The following PDE1A variants were observed in gnomAD, a reference collection of about 807,000 sequenced individuals.
PDE1A encodes phosphodiesterase 1A.
In PDE1A, 35 loss-of-function variants were observed where a neutral mutation model predicts 61.7. That is an observed-to-expected ratio of 0.57 (90% confidence interval 0.43 to 0.75). PDE1A has a LOEUF of 0.75. PDE1A is among the 30% of genes least tolerant of loss of function. The pLI, the probability that PDE1A is intolerant of heterozygous loss-of-function variation, is 0.00. For synonymous variants in PDE1A, 232 were observed against 213.2 expected, an observed-to-expected ratio of 1.09 and a Z score of -0.77; for missense variants, 597 against 630.6, an observed-to-expected ratio of 0.95 and a Z score of 0.57.
chr2:182,404,235 A>G (rs1702180333), intron 1 of PDE1A, among the ~76,000 whole-genome samples: 1 of 152,224 alleles, frequency 6.6e-6, no homozygotes, highest in African/African-American at 2.4e-5. Flanking sequence ...CAAGGAGCAG[A>G]GAAGAGCAAA....
At chr2:182,565,552 GT>G in the PDE1A span, among the ~76,000 whole-genome samples, 35 of 152,122 alleles carry the variant, frequency 2.3e-4, no homozygotes, top group Admixed American at 2.3e-3. Flanking sequence ...GACTGGTGAT[GT>G]GTACACGAAA....
At chr2:182,272,453 C>T (rs1023049100) in intron 1 of PDE1A, among the ~76,000 whole-genome samples, 10 of 152,180 alleles carry the variant, frequency 6.6e-5, no homozygotes, top group African/African-American at 2.2e-4. Context: ...GCCAAACTCT[C>T]AATCTAGTTT....
chr2:182,448,111 C>T (rs1410224845), intron 2 of PDE1A, among the ~76,000 whole-genome samples: 3 of 152,114 alleles, frequency 2.0e-5, no homozygotes, highest in African/African-American at 7.2e-5. Flanking sequence ...AGGATAGGCT[C>T]AGTGAAACTT....
chr2:182,602,340 C>G, the PDE1A span, among the ~76,000 whole-genome samples: 3 of 152,234 alleles, frequency 2.0e-5, no homozygotes, highest in South Asian at 6.2e-4. Flanking sequence ...CTGCAGCCAG[C>G]ATGATGACAG....
rs940633590 is a variant in PDE1A, at chr2:182,505,543, T to C, written c.101+16733A>G. Among the ~76,000 whole-genome samples the C allele has an allele frequency of 1.8e-4, 28 of 152,162 alleles. 1 individual carries two copies. The highest frequency in any genetic ancestry group is 1.6e-3 in the Admixed American group (25 of 15,270). ...TTTATCCCTCACAATTTTGAGAAAG[T>C]TGGGTAGTCCTCACTCACATGTCCG... On this transcript the variant is annotated intron_variant, in intron 2 of 14. Coordinates refer to the PDE1A transcript ENST00000410103.
chr2:182,544,317 G>A, the PDE1A span, among the ~76,000 whole-genome samples: 1 of 152,178 alleles, frequency 6.6e-6, no homozygotes, highest in Non-Finnish European at 1.5e-5. Flanking sequence ...AGTAATTGAA[G>A]TAAAATACAG....
the PDE1A span, among the ~76,000 whole-genome samples, chr2:182,685,008 G>T: frequency 6.6e-6 from 1 of 151,480 alleles, no homozygotes; most frequent in African/African-American, 2.4e-5. Context: ...TGCCTTGCAT[G>T]ATGCAAGCTT....
intron 2 of PDE1A, among the ~76,000 whole-genome samples, chr2:182,259,266 G>T (rs1384908387): frequency 1.3e-5 from 2 of 152,106 alleles, no homozygotes; most frequent in Admixed American, 1.3e-4. Flanking sequence ...CTGTATTAAG[G>T]GAAAGGCACT....
At chr2:182,310,933 C>G (rs1480390955) in intron 1 of PDE1A, among the ~76,000 whole-genome samples, 1 of 152,180 alleles carries the variant, frequency 6.6e-6, no homozygotes, top group Non-Finnish European at 1.5e-5. Context: ...CCAAAATCTC[C>G]CACTCGATCT....
At chr2:182,386,918 G>A (rs187579519) in intron 1 of PDE1A, among the ~76,000 whole-genome samples, 136 of 152,368 alleles carry the variant, frequency 8.9e-4, no homozygotes, top group Non-Finnish European at 1.5e-3. Flanking sequence ...TCTGGGAGGC[G>A]CACCCAACAG....
intron 7 of PDE1A, 33 bp downstream of exon 7, chr2:182,223,831 A>T: frequency 8.1e-7 from 1 of 1,235,692 alleles, no homozygotes; most frequent in Non-Finnish European, 1.1e-6. Flanking sequence ...TTCAAATTTT[A>T]ACTAATGAAA....
At chr2:182,512,905 A>G (rs1255145146) in intron 2 of PDE1A, among the ~76,000 whole-genome samples, 1 of 152,234 alleles carries the variant, frequency 6.6e-6, no homozygotes, top group African/African-American at 2.4e-5. Context: ...AAAATAATGA[A>G]AAAACAATTT....
intron 1 of PDE1A, among the ~76,000 whole-genome samples, chr2:182,368,002 A>T (rs1226402548): frequency 6.6e-6 from 1 of 152,106 alleles, no homozygotes; most frequent in Admixed American, 6.6e-5. Flanking sequence ...CACACACAAA[A>T]GGAGAGAGGT....
chr2:182,431,944 C>T (rs1441698362), upstream of PDE1A, among the ~76,000 whole-genome samples: 1 of 152,054 alleles, frequency 6.6e-6, no homozygotes, highest in Non-Finnish European at 1.5e-5. Flanking sequence ...AAAACACCAG[C>T]CCTAGAAACA....
chr2:182,712,945 C>A, the PDE1A span, among the ~76,000 whole-genome samples: 1 of 152,010 alleles, frequency 6.6e-6, no homozygotes, highest in Admixed American at 6.6e-5. Flanking sequence ...AGGAAAAGGC[C>A]CAAACTCCTT....
chr2:182,452,527 G>C (rs1260947941), intron 2 of PDE1A, among the ~76,000 whole-genome samples: 1 of 152,084 alleles, frequency 6.6e-6, no homozygotes. Flanking sequence ...GATTTGTTCA[G>C]TTTAACTTCC....
At chr2:182,251,231 GA>G (rs1691376841) in intron 2 of PDE1A, among the ~76,000 whole-genome samples, 6 of 152,314 alleles carry the variant, frequency 3.9e-5, no homozygotes, top group Admixed American at 3.9e-4. Context: ...AGTTTTGGAA[GA>G]AATATTTCAT....
intron 2 of PDE1A, among the ~76,000 whole-genome samples, chr2:182,492,586 A>G (rs1289950597): frequency 1.3e-5 from 2 of 150,960 alleles, no homozygotes; most frequent in Non-Finnish European, 3.0e-5. Flanking sequence ...GTTATAGATC[A>G]TATTATAAAT....
chr2:182,590,927 A>G, the PDE1A span, among the ~76,000 whole-genome samples: 1 of 152,210 alleles, frequency 6.6e-6, no homozygotes, highest in Admixed American at 6.5e-5. Context: ...TACCACCCAC[A>G]GTAAGCAAGC....
Sources: allele counts gnomAD v4.1 joint callset (sites outside exome capture counted in the v4.1 genomes callset), GRCh38; gene constraint gnomAD v4.1.1; transcripts MANE v1.5; gene names NCBI Gene and HGNC (gene_info 2026-07-23, HGNC 2026-07-21).